The following AFF2 variants were observed in gnomAD, a reference collection of about 807,000 sequenced individuals.
AFF2 encodes the protein ALF transcription elongation factor 2, also known as AF4/FMR2 family member 2.
Under a neutral mutation model 76.9 loss-of-function variants are expected in AFF2, and 14 were observed. The observed-to-expected ratio is 0.18, with a 90% CI of 0.12 to 0.28. The LOEUF (loss-of-function observed/expected upper bound fraction) is 0.28. Among genes scored for constraint, AFF2 ranks in the 10% least tolerant of loss-of-function variants. The pLI, the probability that AFF2 is intolerant of heterozygous loss-of-function variation, is 1.00. For missense variants in AFF2, 868 were observed against 1,001.1 expected (o/e 0.87, Z 1.79); for synonymous variants, 398 against 366.7 (o/e 1.09, Z -0.98).
chrX:148,624,964 G>C (rs1397206242), intron 1 of AFF2, among the ~76,000 whole-genome samples: 2 of 111,723 alleles, frequency 1.8e-5, no homozygotes, highest in Non-Finnish European at 3.8e-5. Context: ...CCAACATTTT[G>C]AGTCTCTAGT....
intron 1 of AFF2, among the ~76,000 whole-genome samples, chrX:148,625,482 A>G (rs1557251899): frequency 9.0e-6 from 1 of 110,649 alleles, no homozygotes; most frequent in East Asian, 2.9e-4. Flanking sequence ...CAGAAAGAGC[A>G]TGTAGCTCAG....
At chrX:148,904,514 T>G in intron 9 of AFF2, 1 of 306,559 alleles carries the variant, frequency 3.3e-6, no homozygotes, top group Non-Finnish European at 5.6e-6. Flanking sequence ...CATGAATAGC[T>G]GCCAAATACG....
At chrX:148,763,661 C>T (rs2069479179) in intron 3 of AFF2, among the ~76,000 whole-genome samples, 1 of 111,534 alleles carries the variant, frequency 9.0e-6, no homozygotes, top group African/African-American at 3.3e-5. Flanking sequence ...AGAACAACAG[C>T]CAACATTGAG....
chrX:148,789,923 G>T lies in AFF2; in HGVS notation c.1042-19953G>T, dbSNP rs189847991. On this transcript the variant is annotated intron_variant, in intron 3 of 20. Coordinates refer to ENST00000370460, the MANE Select transcript of AFF2 (RefSeq NM_002025.4). ...CTGACAGAGATCTAAAGAGGGGGAA[G>T]TATAACCAGGATATTCTGACCTCAG... 9.8e-4 allele frequency among the ~76,000 whole-genome samples: 109 copies of T among 111,563 alleles called. 1 individual carries two copies. The highest frequency in any genetic ancestry group is 3.4e-3 in the African/African-American group (105 of 30,730).
At chrX:148,522,296 C>A (rs1557234627) in intron 1 of AFF2, among the ~76,000 whole-genome samples, 1 of 112,622 alleles carries the variant, frequency 8.9e-6, no homozygotes, top group Non-Finnish European at 1.9e-5. Context: ...GGGGCTTGTG[C>A]ATGCATTTGC....
chrX:148,880,365 C>T (rs940921446), intron 7 of AFF2, among the ~76,000 whole-genome samples: 5 of 111,664 alleles, frequency 4.5e-5, no homozygotes, highest in Admixed American at 9.5e-5. Context: ...GACTACAAAG[C>T]ACTAGATAGG....
At chrX:148,687,161 G>A (rs1051270942) in intron 3 of AFF2, among the ~76,000 whole-genome samples, 2 of 111,638 alleles carry the variant, frequency 1.8e-5, no homozygotes, top group Non-Finnish European at 3.8e-5. Context: ...ATTTTCATTG[G>A]AACAAGAAGA....
At chrX:148,542,639 G>A (rs936042163) in intron 1 of AFF2, among the ~76,000 whole-genome samples, 2 of 112,025 alleles carry the variant, frequency 1.8e-5, no homozygotes, top group Non-Finnish European at 3.8e-5. Context: ...AGCCATCCAT[G>A]CAGACAGGTG....
At chrX:148,780,397 G>A (rs1022510483) in intron 3 of AFF2, among the ~76,000 whole-genome samples, 2 of 111,743 alleles carry the variant, frequency 1.8e-5, no homozygotes, top group Admixed American at 9.5e-5. Flanking sequence ...TCAAACGTCC[G>A]TTTGGTCTTT....
At chrX:148,797,931 T>A (rs2124630470) in intron 3 of AFF2, among the ~76,000 whole-genome samples, 1 of 112,404 alleles carries the variant, frequency 8.9e-6, no homozygotes, top group African/African-American at 3.2e-5. Context: ...ACTTTAGATA[T>A]GCAGGTCTTG....
At chrX:148,855,547 C>G (rs2070777848) in intron 7 of AFF2, among the ~76,000 whole-genome samples, 2 of 112,140 alleles carry the variant, frequency 1.8e-5, no homozygotes, top group Non-Finnish European at 3.8e-5. Flanking sequence ...GTCACTTGCT[C>G]TGAAGTAACT....
chrX:148,886,354 A>G (rs1365746069), intron 8 of AFF2, among the ~76,000 whole-genome samples: 1 of 110,484 alleles, frequency 9.1e-6, no homozygotes, highest in Non-Finnish European at 1.9e-5. Context: ...GAGGCTTGGA[A>G]CCCATACTCA....
chrX:148,554,353 T>A (rs1557239374), intron 1 of AFF2, among the ~76,000 whole-genome samples: 2 of 111,186 alleles, frequency 1.8e-5, no homozygotes, highest in Admixed American at 9.6e-5. Flanking sequence ...GGAGTTAAAT[T>A]AACAATATTT....
intron 3 of AFF2, among the ~76,000 whole-genome samples, chrX:148,754,438 A>G (rs1252288392): frequency 2.7e-5 from 3 of 110,427 alleles, no homozygotes; most frequent in Admixed American, 1.9e-4. Flanking sequence ...CTTCCCGTCA[A>G]TACATTTCCC....
intron 3 of AFF2, among the ~76,000 whole-genome samples, chrX:148,709,936 A>T (rs1248801234): frequency 2.7e-5 from 3 of 111,992 alleles, no homozygotes; most frequent in Admixed American, 1.9e-4. Flanking sequence ...TGATAAACCT[A>T]GTATAAATTG....
chrX:148,584,958 C>G (rs1394873605), intron 1 of AFF2, among the ~76,000 whole-genome samples: 1 of 111,118 alleles, frequency 9.0e-6, no homozygotes, highest in Non-Finnish European at 1.9e-5. Flanking sequence ...AGAAACCAAC[C>G]AAACATATAC....
intron 1 of AFF2, among the ~76,000 whole-genome samples, chrX:148,644,036 C>T (rs1411869610): frequency 4.5e-5 from 5 of 111,300 alleles, no homozygotes; most frequent in South Asian, 7.6e-4. Flanking sequence ...AATGGAATCC[C>T]CTGAAAATGG....
At chrX:148,911,840 G>C (rs782240244) in intron 9 of AFF2, among the ~76,000 whole-genome samples, 2 of 112,118 alleles carry the variant, frequency 1.8e-5, no homozygotes, top group Non-Finnish European at 3.8e-5. Context: ...AATCCTCAAA[G>C]AACTTAAAAC....
At chrX:148,750,185 G>C (rs1163352033) in intron 3 of AFF2, among the ~76,000 whole-genome samples, 2 of 109,992 alleles carry the variant, frequency 1.8e-5, no homozygotes, top group Non-Finnish European at 3.8e-5. Flanking sequence ...GGCCAGGCTG[G>C]TCTCGAACTC....
Sources: gnomAD v4.1 joint callset for allele counts (sites outside exome capture counted in the v4.1 genomes callset) on GRCh38, gnomAD v4.1.1 for gene constraint, MANE v1.5 for transcripts, NCBI Gene and HGNC (gene_info 2026-07-23, HGNC 2026-07-21) for gene names.